The following ERC2 variants were observed in gnomAD, a reference collection of about 807,000 sequenced individuals.
ERC2 encodes the protein ERC protein 2.
Under a neutral mutation model 114.8 loss-of-function variants are expected in ERC2, and 42 were observed. The observed-to-expected ratio is 0.37, with a 90% CI of 0.29 to 0.47. The LOEUF is 0.47. Among genes scored for constraint, ERC2 ranks in the 20% least tolerant of loss-of-function variants. The pLI, the probability that ERC2 is intolerant of heterozygous loss-of-function variation, is 0.99. For synonymous variants in ERC2, 454 were observed against 425.5 expected (o/e 1.07, Z -0.82); for missense variants, 939 against 1,150.7 (o/e 0.82, Z 2.66).
intron 15 of ERC2, among the ~76,000 whole-genome samples, chr3:55,733,464 T>TCTCA (rs569171522): frequency 7.5e-6 from 1 of 133,962 alleles, no homozygotes; most frequent in African/African-American, 2.9e-5. Flanking sequence ...TCTCTCTCTC[T>TCTCA]CACACACACA....
intron 2 of ERC2, among the ~76,000 whole-genome samples, chr3:56,310,921 T>G (rs1267053156): frequency 6.6e-6 from 1 of 151,906 alleles, no homozygotes; most frequent in Non-Finnish European, 1.5e-5. Context: ...TGATTTAAGA[T>G]TATTTGGTAA....
intron 12 of ERC2, among the ~76,000 whole-genome samples, chr3:55,967,799 T>C (rs1214100771): frequency 6.6e-6 from 1 of 152,138 alleles, no homozygotes; most frequent in Non-Finnish European, 1.5e-5. Context: ...GTGGGTTCCT[T>C]ATGAAAGGAC....
At chr3:55,825,438 T>C (rs2060286515) in intron 14 of ERC2, among the ~76,000 whole-genome samples, 1 of 152,220 alleles carries the variant, frequency 6.6e-6, no homozygotes, top group Non-Finnish European at 1.5e-5. Context: ...CAACACAATG[T>C]CCAAATTTTC....
chr3:56,311,373 C>T (rs982284636), intron 2 of ERC2, among the ~76,000 whole-genome samples: 2 of 135,204 alleles, frequency 1.5e-5, no homozygotes, highest in African/African-American at 5.7e-5. Flanking sequence ...AATCTCGGCT[C>T]GCTGCAAGCT....
intron 2 of ERC2, among the ~76,000 whole-genome samples, chr3:56,390,358 T>C (rs2060085229): frequency 6.6e-6 from 1 of 152,216 alleles, no homozygotes; most frequent in Non-Finnish European, 1.5e-5. Flanking sequence ...TTTCTTCTCC[T>C]AGCTTGCTTT....
At chr3:56,090,430 C>A (rs1469285351) in intron 6 of ERC2, among the ~76,000 whole-genome samples, 1 of 104,900 alleles carries the variant, frequency 9.5e-6, no homozygotes, top group Non-Finnish European at 2.1e-5. Context: ...AGGGATATAG[C>A]CTTTTAACAA....
rs117102796 is a variant in ERC2 at position 55,793,080 on chromosome 3, T to C, written c.2565-58162A>G. ...TTTATTTACTTATTTTATTTTATTT[T>C]ATTTTGAGACAGGGTCTTCCTCTGT... On this transcript the variant is annotated intron_variant, in intron 14 of 17. Coordinates refer to ENST00000288221, the MANE Select transcript of ERC2 (RefSeq NM_015576.3). 1.1e-3 allele frequency among the ~76,000 whole-genome samples: 166 copies of C among 152,256 alleles called. No individual in the cohort carries two copies. The East Asian group carries it at 0.031, about 28-fold the overall frequency.
chr3:56,176,346 C>T (rs1464473564), intron 3 of ERC2, among the ~76,000 whole-genome samples: 2 of 151,872 alleles, frequency 1.3e-5, no homozygotes, highest in African/African-American at 2.4e-5. Flanking sequence ...AAATAAAAAC[C>T]ATAGGTAAAG....
intron 7 of ERC2, among the ~76,000 whole-genome samples, chr3:56,020,107 A>C (rs924686332): frequency 1.3e-5 from 2 of 152,174 alleles, no homozygotes; most frequent in Non-Finnish European, 1.5e-5. Flanking sequence ...GGAGATGATT[A>C]CAATGACAAT....
intron 17 of ERC2, among the ~76,000 whole-genome samples, chr3:55,594,962 A>G (rs1349802145): frequency 6.6e-6 from 1 of 152,080 alleles, no homozygotes; most frequent in Admixed American, 6.6e-5. Context: ...CTTCACCACC[A>G]TAATTCCCAC....
chr3:56,346,953 A>T (rs1459215759), intron 2 of ERC2, among the ~76,000 whole-genome samples: 1 of 152,146 alleles, frequency 6.6e-6, no homozygotes, highest in Non-Finnish European at 1.5e-5. Context: ...AGCCTGCATG[A>T]CCTAAACATC....
intron 2 of ERC2, among the ~76,000 whole-genome samples, chr3:56,332,578 C>T (rs772995222): frequency 8.5e-5 from 13 of 152,160 alleles, no homozygotes; most frequent in Non-Finnish European, 1.6e-4. Context: ...GAATTGTTTC[C>T]ATCAAATATG....
chr3:56,182,729 C>A (rs1324760264), intron 3 of ERC2, among the ~76,000 whole-genome samples: 23 of 152,210 alleles, frequency 1.5e-4, no homozygotes, highest in Admixed American at 1.5e-3. Context: ...TACACTGCCC[C>A]CGTTTCACCA....
chr3:55,983,761 A>C (rs1453129432), intron 12 of ERC2, among the ~76,000 whole-genome samples: 1 of 152,196 alleles, frequency 6.6e-6, no homozygotes, highest in Non-Finnish European at 1.5e-5. Flanking sequence ...AAAATACATG[A>C]TATGTGTATA....
intron 17 of ERC2, among the ~76,000 whole-genome samples, chr3:55,529,623 C>T (rs1455910508): frequency 1.3e-5 from 2 of 152,092 alleles, no homozygotes; most frequent in East Asian, 1.9e-4. Flanking sequence ...TCAAGGAGCT[C>T]GCATTACCCT....
intron 12 of ERC2, among the ~76,000 whole-genome samples, chr3:55,975,861 A>G (rs2069551909): frequency 6.6e-6 from 1 of 152,076 alleles, no homozygotes; most frequent in African/African-American, 2.4e-5. Context: ...TAGGCTCCCC[A>G]TCTAGTTCTA....
chr3:55,760,057 G>A (rs1344988194), intron 14 of ERC2, among the ~76,000 whole-genome samples: 1 of 152,130 alleles, frequency 6.6e-6, no homozygotes, highest in Non-Finnish European at 1.5e-5. Context: ...CCAGTGTCAA[G>A]GTTATCACAT....
At position 56,211,649 on chromosome 3, in the gene ERC2, A is replaced by C. The variant is rs139542111; in HGVS notation, c.1075-38129T>G. Among the ~76,000 whole-genome samples the C allele has an allele frequency of 3.4e-3, 511 of 152,280 alleles. 1 individual carries two copies. Among genetic ancestry groups the C allele is most frequent in the African/African-American group, 0.012 (489 of 41,564 alleles). On this transcript the variant is annotated intron_variant, in intron 3 of 17. Transcript: ENST00000288221. ...AAAGAACCCACATAGCCAAAGCAAGACTAAGCAAAAAGAACAAATCCGTAG... is the reference window on the plus strand; with the variant it reads ...AAAGAACCCACATAGCCAAAGCAAGCCTAAGCAAAAAGAACAAATCCGTAG...
intron 16 of ERC2, among the ~76,000 whole-genome samples, chr3:55,686,157 G>T (rs2062321730): frequency 6.6e-6 from 1 of 152,254 alleles, no homozygotes; most frequent in Non-Finnish European, 1.5e-5. Flanking sequence ...GGAATAAAAA[G>T]GGGCTCCCAG....
Sources: allele counts gnomAD v4.1 joint callset (sites outside exome capture counted in the v4.1 genomes callset), GRCh38; gene constraint gnomAD v4.1.1; transcripts MANE v1.5; gene names NCBI Gene and HGNC (gene_info 2026-07-23, HGNC 2026-07-21).